Variants in UBR1 observed in about 807,000 individuals in gnomAD.
UBR1 encodes the protein E3 ubiquitin-protein ligase UBR1.
UBR1 carries 102 observed loss-of-function variants against 242.1 expected under a neutral mutation model. That is an observed-to-expected ratio of 0.42 (90% CI 0.36 to 0.50). UBR1 has a LOEUF of 0.50. UBR1 is among the 20% of genes least tolerant of loss of function. The pLI is 0.01. For synonymous variants in UBR1, 675 were observed against 684.8 expected (o/e 0.99, Z 0.22); for missense variants, 1,772 against 2,101.8 (o/e 0.84, Z 3.07).
intron 4 of UBR1, among the ~76,000 whole-genome samples, chr15:43,073,263 C>A (rs1005366681): frequency 6.6e-6 from 1 of 152,042 alleles, no homozygotes; most frequent in Non-Finnish European, 1.5e-5. Context: ...AGTATGATAA[C>A]CCCATTGTAA....
intron 35 of UBR1, among the ~76,000 whole-genome samples, chr15:42,988,026 G>T (rs1037792868): frequency 1.3e-5 from 2 of 152,076 alleles, no homozygotes; most frequent in South Asian, 2.1e-4. Flanking sequence ...ATATGGCAGA[G>T]AATTTGATAG....
At chr15:42,959,671 T>C (rs957943060) in intron 43 of UBR1, among the ~76,000 whole-genome samples, 6 of 152,310 alleles carry the variant, frequency 3.9e-5, no homozygotes, top group African/African-American at 1.4e-4. Flanking sequence ...TCCAAAAATA[T>C]GTATTCATAT....
intron 6 of UBR1, among the ~76,000 whole-genome samples, chr15:43,065,547 C>T (rs2033741910): frequency 6.6e-6 from 1 of 152,146 alleles, no homozygotes; most frequent in African/African-American, 2.4e-5. Context: ...TGTGTTGTTC[C>T]CCACGAAGTG....
Position 43,021,235 on chromosome 15 carries a change from A to G in UBR1, c.2940+40T>C, listed in dbSNP as rs746469055. On this transcript the variant is annotated intron_variant, in intron 27 of 46. Coordinates refer to ENST00000290650, the MANE Select transcript of UBR1 (RefSeq NM_174916.3). ...GGAGGCAAGCAGAGAATTCTTAAAT[A>G]TTTAAACCAAGATATGATCACTTTA... The G allele has an allele frequency of 2.6e-6, 4 of 1,567,706 alleles. No individual in the cohort carries two copies. In the South Asian group the frequency reaches 4.4e-5, roughly 17 times the overall value.
intron 15 of UBR1, among the ~76,000 whole-genome samples, chr15:43,042,688 A>C (rs1225757276): frequency 6.6e-6 from 1 of 152,192 alleles, no homozygotes. Context: ...TGTACACTTA[A>C]AAATGGCTAA....
rs2032120339 is a variant in UBR1 at position 42,967,218 on chromosome 15, A to AT, written c.4458-933_4458-932insA. Among the ~76,000 whole-genome samples, 4 of 69,862 alleles carry AT rather than the reference A, an allele frequency of 5.7e-5. No homozygotes were observed. The South Asian group carries it at 2.4e-3, about 43-fold the overall frequency. 45.8% of individuals were successfully genotyped at this position (69,862 alleles called of 152,430 possible). ...TAGGTCTGAGTGACCATGCTCAACT[A>AT]GTTTTTTTTTTTTTTTTTTTTTTAA... is the stretch of plus-strand genomic sequence containing the variant. On this transcript the variant is annotated intron_variant, in intron 40 of 46. Transcript: ENST00000290650.
chr15:42,980,251 A>C (rs1727181876), intron 37 of UBR1, among the ~76,000 whole-genome samples: 1 of 152,350 alleles, frequency 6.6e-6, no homozygotes, highest in African/African-American at 2.4e-5. Flanking sequence ...AAAATATTTA[A>C]AATTCTGTTG....
At chr15:42,970,203 A>G (rs1340465766) in intron 40 of UBR1, among the ~76,000 whole-genome samples, 1 of 152,156 alleles carries the variant, frequency 6.6e-6, no homozygotes, top group Non-Finnish European at 1.5e-5. Context: ...ATCTACAACC[A>G]TGTGATCTTT....
chr15:42,992,107 C>G (rs2032565201), intron 33 of UBR1, among the ~76,000 whole-genome samples: 1 of 151,990 alleles, frequency 6.6e-6, no homozygotes, highest in African/African-American at 2.4e-5. Context: ...AGTATTTTTT[C>G]AATTCTATTA....
At chr15:42,961,150 T>C (rs2032011664) in intron 42 of UBR1, among the ~76,000 whole-genome samples, 1 of 151,292 alleles carries the variant, frequency 6.6e-6, no homozygotes, top group Non-Finnish European at 1.5e-5. Context: ...GTTTTGCTCT[T>C]GTCGCCCAGG....
At chr15:42,959,424 A>G (rs914645454) in intron 43 of UBR1, among the ~76,000 whole-genome samples, 1 of 152,160 alleles carries the variant, frequency 6.6e-6, no homozygotes, top group Admixed American at 6.5e-5. Context: ...CTCATTAACA[A>G]TCTTTTCCTC....
chr15:43,011,562 G>A (rs917224889), intron 29 of UBR1, among the ~76,000 whole-genome samples: 7 of 152,138 alleles, frequency 4.6e-5, no homozygotes, highest in African/African-American at 1.7e-4. Context: ...TAGCAATTGG[G>A]GAAATTCAGC....
chr15:43,035,075 G>A (rs1203405135), intron 19 of UBR1, among the ~76,000 whole-genome samples: 1 of 151,946 alleles, frequency 6.6e-6, no homozygotes, highest in African/African-American at 2.4e-5. Flanking sequence ...ATCATATAGT[G>A]CAATCCTATA....
At chr15:42,974,032 G>T (rs911157260) in intron 39 of UBR1, among the ~76,000 whole-genome samples, 3 of 151,698 alleles carry the variant, frequency 2.0e-5, no homozygotes, top group African/African-American at 4.8e-5. Context: ...GGGACTACAG[G>T]CACCCGCCAC....
At chr15:43,085,873 A>G in intron 2 of UBR1, 111 bp downstream of exon 2, 1 of 1,174,774 alleles carries the variant, frequency 8.5e-7, no homozygotes, top group Non-Finnish European at 1.2e-6. Flanking sequence ...GTGACCGGAG[A>G]TCGCACCACT....
chr15:43,101,870 A>G (rs1400762592), intron 1 of UBR1, among the ~76,000 whole-genome samples: 1 of 146,996 alleles, frequency 6.8e-6, no homozygotes, highest in Non-Finnish European at 1.5e-5. Context: ...TGGAAGGTTG[A>G]GGCAGGAGAA....
chr15:43,066,523 A>G (rs558341172), intron 6 of UBR1, among the ~76,000 whole-genome samples: 26 of 152,210 alleles, frequency 1.7e-4, no homozygotes, highest in Non-Finnish European at 3.2e-4. Context: ...TTTAATGGGA[A>G]TAACATTGAA....
chr15:43,053,273 C>T (rs1021581031), intron 12 of UBR1, among the ~76,000 whole-genome samples: 7 of 151,976 alleles, frequency 4.6e-5, no homozygotes, highest in Non-Finnish European at 8.8e-5. Flanking sequence ...AATTATTCAC[C>T]GTAGAGATTA....
intron 30 of UBR1, among the ~76,000 whole-genome samples, chr15:43,006,075 AATGATC>A (rs1363894664): frequency 6.7e-6 from 1 of 148,198 alleles, no homozygotes; most frequent in African/African-American, 2.5e-5. Flanking sequence ...AACACCCAAG[AATGATC>A]AATAAATACT....
Sources: gnomAD v4.1 joint callset for allele counts (sites outside exome capture counted in the v4.1 genomes callset) on GRCh38, gnomAD v4.1.1 for gene constraint, MANE v1.5 for transcripts, NCBI Gene and HGNC (gene_info 2026-07-23, HGNC 2026-07-21) for gene names.